Variants in NPAS3 observed in about 807,000 individuals in gnomAD.
The protein encoded by NPAS3 is neuronal PAS domain protein 3.
NPAS3 carries 14 observed loss-of-function variants against 73.1 expected under a neutral mutation model. The ratio of observed to expected loss-of-function variants is 0.19; its 90% CI spans 0.13 to 0.30. The LOEUF (loss-of-function observed/expected upper bound fraction) is 0.30, where lower values mean the gene tolerates loss of function less well. Among genes scored for constraint, NPAS3 ranks in the 10% least tolerant of loss-of-function variants. NPAS3 has a pLI of 1.00. For synonymous variants in NPAS3, 620 were observed against 541.5 expected (o/e 1.14, Z -2.01); for missense variants, 1,096 against 1,250.0 (o/e 0.88, Z 1.86).
chr14:33,099,150 A>C (rs760059846), intron 2 of NPAS3, among the ~76,000 whole-genome samples: 13 of 151,994 alleles, frequency 8.6e-5, no homozygotes, highest in Admixed American at 2.0e-4. Flanking sequence ...TGGACAATCC[A>C]CTCATTTCTG....
At chr14:32,956,188 A>G (rs1039939730) in intron 1 of NPAS3, among the ~76,000 whole-genome samples, 3 of 152,156 alleles carry the variant, frequency 2.0e-5, no homozygotes, top group African/African-American at 7.2e-5. Flanking sequence ...TAAAATTTGA[A>G]TTGCATTAAT....
upstream of NPAS3, among the ~76,000 whole-genome samples, chr14:32,935,684 C>G (rs955983427): frequency 6.6e-6 from 1 of 152,136 alleles, no homozygotes; most frequent in South Asian, 2.1e-4. Context: ...TTCTCTTAAA[C>G]GTATTTATAG....
intron 6 of NPAS3, among the ~76,000 whole-genome samples, chr14:33,703,433 ACAGTGAGC>A (rs1357101132): frequency 6.6e-6 from 1 of 152,166 alleles, no homozygotes; most frequent in East Asian, 1.9e-4. Flanking sequence ...AGTTGAGGCT[ACAGTGAGC>A]CATGATCATA....
At chr14:33,282,656 G>A (rs926404534) in intron 3 of NPAS3, among the ~76,000 whole-genome samples, 4 of 152,208 alleles carry the variant, frequency 2.6e-5, no homozygotes, top group Admixed American at 6.5e-5. Flanking sequence ...GAAATTTTTC[G>A]GCTGCTAGAG....
intron 5 of NPAS3, among the ~76,000 whole-genome samples, chr14:33,649,430 T>C (rs530368791): frequency 1.3e-5 from 2 of 152,340 alleles, no homozygotes; most frequent in African/African-American, 2.4e-5. Context: ...TTAGTATGTC[T>C]GGGATGCCAA....
chr14:33,708,639 T>C (rs1245071355), intron 6 of NPAS3, among the ~76,000 whole-genome samples: 2 of 152,072 alleles, frequency 1.3e-5, no homozygotes, highest in East Asian at 3.9e-4. Flanking sequence ...AACTTATTGA[T>C]GAAAAAGAAT....
At chr14:32,997,435 C>T (rs921555304) in intron 1 of NPAS3, among the ~76,000 whole-genome samples, 3 of 152,070 alleles carry the variant, frequency 2.0e-5, no homozygotes, top group East Asian at 1.9e-4. Flanking sequence ...GATATGGTTT[C>T]GTCCTGTGTC....
chr14:33,053,857 C>T (rs2040794426), intron 1 of NPAS3, among the ~76,000 whole-genome samples: 1 of 152,108 alleles, frequency 6.6e-6, no homozygotes, highest in South Asian at 2.1e-4. Context: ...TTATTGAGAG[C>T]CAGGTAACAT....
At chr14:33,767,424 T>C (rs2062499088) in intron 7 of NPAS3, among the ~76,000 whole-genome samples, 1 of 151,854 alleles carries the variant, frequency 6.6e-6, no homozygotes, top group African/African-American at 2.4e-5. Flanking sequence ...TAGCTGACTC[T>C]CCCACCTGAG....
intron 11 of NPAS3, among the ~76,000 whole-genome samples, chr14:33,798,279 G>C (rs751182015): frequency 3.9e-5 from 6 of 152,114 alleles, no homozygotes; most frequent in Non-Finnish European, 5.9e-5. Context: ...AGTTCTTTGG[G>C]ACACTGAAAA....
At position 33,800,268 on chromosome 14, in the gene NPAS3, A is replaced by G. The variant is rs976852371; in HGVS notation, c.1961A>G (p.Glu654Gly). The stretch of plus-strand genomic sequence containing the variant: ...CTCAAGATCAAGACGGAGATCTCAG[A>G]ACCCATCAATTTCGACAATGACAGC... Residue 654 changes from glutamate to glycine, a missense_variant, in exon 12 of 12, where the codon GAA becomes GGA. By Grantham distance (98) the Glu-to-Gly change is moderately conservative (BLOSUM62 -2). Around this residue, in one of 5 missense-constraint regions of NPAS3, gnomAD observed 698 missense variants for 676.7 expected, o/e 1.03. Coordinates refer to ENST00000356141, the Ensembl canonical transcript of NPAS3. This position sits in a 1 kb window ranked among gnomAD's most constrained non-coding sequence, Gnocchi z 6.5. 1 of 1,613,238 alleles carries G rather than the reference A, an allele frequency of 6.2e-7. No individual in the cohort carries two copies. The highest frequency in any genetic ancestry group is 1.3e-5 in the African/African-American group (1 of 74,852).
At chr14:33,514,274 C>T (rs554744610) in intron 4 of NPAS3, among the ~76,000 whole-genome samples, 2 of 152,098 alleles carry the variant, frequency 1.3e-5, no homozygotes, top group Admixed American at 1.3e-4. Flanking sequence ...GACAGGGCAG[C>T]TTGTCCCACA....
chr14:33,222,320 A>G (rs2047461211), intron 3 of NPAS3, among the ~76,000 whole-genome samples: 1 of 152,198 alleles, frequency 6.6e-6, no homozygotes, highest in Non-Finnish European at 1.5e-5. Context: ...AAGGAAAAAG[A>G]AGGAGGTCAG....
At chr14:33,187,756 TAA>T (rs1281692372) in intron 2 of NPAS3, among the ~76,000 whole-genome samples, 3 of 152,120 alleles carry the variant, frequency 2.0e-5, no homozygotes, top group African/African-American at 7.2e-5. Context: ...TTTATTAAAT[TAA>T]GAGATTATTA....
chr14:33,426,133 A>G (rs1329277001), intron 4 of NPAS3, among the ~76,000 whole-genome samples: 1 of 152,094 alleles, frequency 6.6e-6, no homozygotes, highest in African/African-American at 2.4e-5. Flanking sequence ...TCAGCCAGTA[A>G]AGGGACAGAA....
At chr14:33,533,817 CATAT>C (rs33909828) in intron 4 of NPAS3, among the ~76,000 whole-genome samples, 2 of 151,448 alleles carry the variant, frequency 1.3e-5, no homozygotes, top group East Asian at 1.9e-4. Context: ...ACAGAATTTA[CATAT>C]ATGTTACACA....
chr14:33,442,250 T>A (rs1354126195), intron 4 of NPAS3, among the ~76,000 whole-genome samples: 2 of 152,154 alleles, frequency 1.3e-5, no homozygotes, highest in African/African-American at 4.8e-5. Context: ...TAACTTTTGG[T>A]GAACTAAAGT....
chr14:33,035,335 T>A (rs961774734), intron 1 of NPAS3, among the ~76,000 whole-genome samples: 1 of 152,180 alleles, frequency 6.6e-6, no homozygotes, highest in African/African-American at 2.4e-5. Context: ...GGGCTAGGAC[T>A]TGCCTTTGGA....
chr14:33,436,578 G>T lies in NPAS3; in HGVS notation c.468+69310G>T, dbSNP rs994590287. Reference sequence around the variant, plus strand: ...CTAAGATCCTGGAAATGAAACTGCTGTTTTTATAAAGCAGCATTTCAAATA... The same window carrying T: ...CTAAGATCCTGGAAATGAAACTGCTTTTTTTATAAAGCAGCATTTCAAATA... On this transcript the variant is annotated intron_variant, in intron 4 of 11. Coordinates refer to ENST00000356141, the Ensembl canonical transcript of NPAS3. Among the ~76,000 whole-genome samples, 4 of 152,156 alleles carry T rather than the reference G, an allele frequency of 2.6e-5. 1 individual carries two copies. In the South Asian group the frequency reaches 6.2e-4, roughly 24 times the overall value.
Sources: gnomAD v4.1 joint callset for allele counts (sites outside exome capture counted in the v4.1 genomes callset) on GRCh38, gnomAD v4.1.1 for gene constraint, gnomAD v4.1.1 regional missense constraint, Gnocchi (gnomAD v3.1) non-coding constraint, MANE v1.5 for transcripts, NCBI Gene and HGNC (gene_info 2026-07-23, HGNC 2026-07-21) for gene names.